EMX1: variants seen among roughly 807,000 people sequenced by gnomAD.
EMX1 encodes the protein homeobox protein EMX1.
EMX1 carries 10 observed loss-of-function variants against 20.1 expected under a neutral mutation model. The observed-to-expected ratio is 0.50, with a 90% CI of 0.31 to 0.84. The LOEUF (loss-of-function observed/expected upper bound fraction) is 0.84. Among genes scored for constraint, EMX1 ranks in the 40% least tolerant of loss-of-function variants. EMX1 has a pLI of 0.05. For synonymous variants in EMX1, 250 were observed against 200.4 expected (o/e 1.25, Z -2.09); for missense variants, 424 against 431.9 (o/e 0.98, Z 0.16).
intron 2 of EMX1, among the ~76,000 whole-genome samples, chr2:72,932,806 G>A (rs115551547): frequency 0.02 from 3,073 of 152,266 alleles, 97 homozygotes; most frequent in African/African-American, 0.071. Context: ...ACACAGAATA[G>A]GGGGCTCCCT....
intron 1 of EMX1, chr2:72,924,053 C>A: frequency 1.7e-6 from 1 of 593,036 alleles, no homozygotes; most frequent in South Asian, 1.9e-5. Flanking sequence ...ACAGAGGGAT[C>A]TGGAGAGCTG....
chr2:72,929,463 G>A (rs945121368), intron 2 of EMX1, among the ~76,000 whole-genome samples: 4 of 152,142 alleles, frequency 2.6e-5, no homozygotes, highest in Non-Finnish European at 4.4e-5. Context: ...GGCATTGATT[G>A]GGCTTGACCT....
At chr2:72,920,219 AGC>A (rs1319168330) in intron 1 of EMX1, among the ~76,000 whole-genome samples, 1 of 152,156 alleles carries the variant, frequency 6.6e-6, no homozygotes, top group Admixed American at 6.5e-5. Context: ...TCCGGCTCTG[AGC>A]GTCTCCAGTC....
chr2:72,929,752 G>T (rs976333568), intron 2 of EMX1, among the ~76,000 whole-genome samples: 1 of 152,166 alleles, frequency 6.6e-6, no homozygotes, highest in Non-Finnish European at 1.5e-5. Flanking sequence ...CTGAAATATC[G>T]GCTGGAGCCA....
At chr2:72,931,872 G>A (rs1195924906) in intron 2 of EMX1, among the ~76,000 whole-genome samples, 1 of 152,244 alleles carries the variant, frequency 6.6e-6, no homozygotes, top group Non-Finnish European at 1.5e-5. Flanking sequence ...TCTCAAACAA[G>A]GGCAGATGGC....
At chr2:72,920,977 G>A (rs1188095775) in intron 1 of EMX1, among the ~76,000 whole-genome samples, 1 of 152,182 alleles carries the variant, frequency 6.6e-6, no homozygotes, top group Non-Finnish European at 1.5e-5. Flanking sequence ...GCAGGAGGAC[G>A]GGGAATGAGG....
At chr2:72,926,958 T>C (rs907712559) in intron 2 of EMX1, among the ~76,000 whole-genome samples, 15 of 152,200 alleles carry the variant, frequency 9.9e-5, no homozygotes, top group African/African-American at 2.9e-4. Context: ...CTATCAGCTA[T>C]TTGTCAAGCA....
At chr2:72,918,765 G>C (rs1236734961) in intron 1 of EMX1, among the ~76,000 whole-genome samples, 1 of 152,200 alleles carries the variant, frequency 6.6e-6, no homozygotes, top group African/African-American at 2.4e-5. Flanking sequence ...CGCTTCTCTC[G>C]CAAGTCCACC....
At chr2:72,917,236 G>A (rs1036032682), upstream of EMX1, among the ~76,000 whole-genome samples, 5 of 152,218 alleles carry the variant, frequency 3.3e-5, no homozygotes, top group African/African-American at 1.2e-4. Context: ...GGGAGGGGAG[G>A]GTTGGAGTTT....
chr2:72,921,828 T>C (rs1671109284), intron 1 of EMX1, among the ~76,000 whole-genome samples: 1 of 152,200 alleles, frequency 6.6e-6, no homozygotes, highest in Non-Finnish European at 1.5e-5. Context: ...AGCATCCCCC[T>C]AAAATAACCA....
intron 1 of EMX1, among the ~76,000 whole-genome samples, chr2:72,920,710 GC>G (rs1339608537): frequency 1.3e-5 from 2 of 152,264 alleles, no homozygotes; most frequent in African/African-American, 2.4e-5. Context: ...CGGGGAAGCG[GC>G]GTCTCCGCTA....
rs887854943 is a variant in EMX1 at position 72,930,174 on chromosome 2, A to G, written c.706-3613A>G. Among the ~76,000 whole-genome samples the G allele has an allele frequency of 2.6e-5, 4 of 152,212 alleles. No individual in the cohort carries two copies. The highest frequency in any genetic ancestry group is 6.5e-5 in the Admixed American group (1 of 15,290). ...CTAGAGCATAGGCTTGTCCAGCCAG[A>G]TGACTATACATGGAACATGTCCTCT... is the stretch of plus-strand genomic sequence containing the variant. On this transcript the variant is annotated intron_variant, in intron 2 of 2. Transcript: ENST00000258106. This position sits in a 1 kb window ranked among gnomAD's most constrained non-coding sequence, Gnocchi z 4.4.
chr2:72,917,021 A>G (rs1281349755), upstream of EMX1: 3 of 690,278 alleles, frequency 4.3e-6, no homozygotes, highest in South Asian at 4.7e-5. Flanking sequence ...AACCTCAGGA[A>G]CAAGGTCGCA....
rs539704466 is a variant in EMX1 at position 72,930,501 on chromosome 2, C to G, written c.706-3286C>G. On this transcript the variant is annotated intron_variant, in intron 2 of 2. Transcript: ENST00000258106. This position sits in a 1 kb window ranked among gnomAD's most constrained non-coding sequence, Gnocchi z 4.4. ...CACAGTGAAATGAGGACTTGGGAGA[C>G]CACAAGGGACCTCTTGCTACAGCAG... Among the ~76,000 whole-genome samples, 2 of 152,270 alleles carry G rather than the reference C, an allele frequency of 1.3e-5. No individual in the cohort carries two copies. Among genetic ancestry groups the G allele is most frequent in the Non-Finnish European group, 1.5e-5 (1 of 68,038 alleles).
intron 2 of EMX1, among the ~76,000 whole-genome samples, chr2:72,932,610 G>A (rs566919271): frequency 3.3e-5 from 5 of 152,278 alleles, no homozygotes; most frequent in South Asian, 2.1e-4. Flanking sequence ...ATGCATGAGA[G>A]GACATTAAGG....
At chr2:72,918,775 C>G (rs964383647) in intron 1 of EMX1, among the ~76,000 whole-genome samples, 2 of 152,228 alleles carry the variant, frequency 1.3e-5, no homozygotes, top group Admixed American at 1.3e-4. Context: ...GCAAGTCCAC[C>G]ACCACCTCCG....
In EMX1 at chr2:72,918,070, C is replaced by A; in HGVS notation, c.218C>A (p.Ala73Asp). The change falls in exon 1 of 3, where the codon GCC becomes GAC. Residue 73 changes from alanine to aspartate, a missense_variant. Transcript: ENST00000258106. The part of the protein sequence containing the change: ...GAGSHLLAAA[A>D]SEEPLRPTAL... ...GGCTCCCATCTCCTGGCGGCGGCCG[C>A]CTCCGAGGAACCGCTCCGGCCCACG... 7.0e-7 allele frequency: 1 copy of A among 1,419,100 alleles called. No homozygotes were observed. The highest frequency in any genetic ancestry group is 9.1e-7 in the Non-Finnish European group (1 of 1,096,286). 87.9% of individuals were successfully genotyped at this position (1,419,100 alleles called of 1,614,324 possible).
At chr2:72,916,453 C>G, upstream of EMX1, 2 of 576,656 alleles carry the variant, frequency 3.5e-6, no homozygotes, top group Non-Finnish European at 6.2e-6. Flanking sequence ...CCGCGCCCTC[C>G]TAGGCCTCGG....
chr2:72,925,287 T>C (rs1671178292), intron 2 of EMX1, among the ~76,000 whole-genome samples: 1 of 152,136 alleles, frequency 6.6e-6, no homozygotes, highest in Admixed American at 6.5e-5. Context: ...ACAATTACCG[T>C]GTAGTGTTTT....
Sources: gnomAD v4.1 joint callset for allele counts (sites outside exome capture counted in the v4.1 genomes callset) on GRCh38, gnomAD v4.1.1 for gene constraint, Gnocchi (gnomAD v3.1) non-coding constraint, MANE v1.5 for transcripts, NCBI Gene and HGNC (gene_info 2026-07-23, HGNC 2026-07-21) for gene names.